Variants in CELF2 observed in about 807,000 individuals in gnomAD.
CELF2 encodes the protein CUG triplet repeat RNA-binding protein 2.
In CELF2, 8 loss-of-function variants were observed where a neutral mutation model predicts 62.6. The observed-to-expected ratio is 0.13, with a 90% CI of 0.07 to 0.23. The LOEUF is 0.23. Among genes scored for constraint, CELF2 ranks in the 10% least tolerant of loss-of-function variants. The pLI, the probability that CELF2 is intolerant of heterozygous loss-of-function variation, is 1.00. For synonymous variants in CELF2, 258 were observed against 250.0 expected (o/e 1.03, Z -0.30); for missense variants, 333 against 671.0 (o/e 0.50, Z 5.56).
the CELF2 span, among the ~76,000 whole-genome samples, chr10:10,760,835 A>C: frequency 6.6e-6 from 1 of 152,244 alleles, no homozygotes; most frequent in Middle Eastern, 3.2e-3. Flanking sequence ...AACTCCTGGC[A>C]GGGCTCAGGG....
At chr10:10,908,863 C>T (rs761532442) in intron 1 of CELF2, among the ~76,000 whole-genome samples, 16 of 152,220 alleles carry the variant, frequency 1.1e-4, no homozygotes, top group Non-Finnish European at 2.1e-4. Flanking sequence ...TCTCGGCTCA[C>T]TTCACCTTCC....
chr10:10,662,615 A>G, the CELF2 span, among the ~76,000 whole-genome samples: 1 of 152,216 alleles, frequency 6.6e-6, no homozygotes, highest in African/African-American at 2.4e-5. Flanking sequence ...ATTTTGTAGT[A>G]AAAGTGACCC....
the CELF2 span, among the ~76,000 whole-genome samples, chr10:10,526,289 A>T: frequency 1.3e-5 from 2 of 152,276 alleles, no homozygotes; most frequent in African/African-American, 2.4e-5. Flanking sequence ...ATAAAAAATT[A>T]TGGATTTATT....
chr10:10,674,999 T>C, the CELF2 span, among the ~76,000 whole-genome samples: 1 of 152,190 alleles, frequency 6.6e-6, no homozygotes, highest in Non-Finnish European at 1.5e-5. Context: ...GAAATTGTTG[T>C]TGTGATTTTG....
chr10:11,164,703 C>G (rs948867680), intron 1 of CELF2, among the ~76,000 whole-genome samples: 2 of 148,562 alleles, frequency 1.3e-5, no homozygotes, highest in Non-Finnish European at 3.0e-5. Context: ...GCAGGCAATT[C>G]TGAGATCTCC....
chr10:10,683,734 CTTGGT>C, the CELF2 span, among the ~76,000 whole-genome samples: 1 of 152,092 alleles, frequency 6.6e-6, no homozygotes, highest in Admixed American at 6.5e-5. Context: ...ATATGATGGG[CTTGGT>C]TATGAAAGAA....
the CELF2 span, among the ~76,000 whole-genome samples, chr10:10,563,376 C>T: frequency 6.6e-6 from 1 of 151,874 alleles, no homozygotes; most frequent in Non-Finnish European, 1.5e-5. Context: ...TTTGGGAGGC[C>T]GAGGTGAGTG....
chr10:11,274,260 C>T (rs2085100240), intron 7 of CELF2, among the ~76,000 whole-genome samples: 1 of 152,164 alleles, frequency 6.6e-6, no homozygotes, highest in Non-Finnish European at 1.5e-5. Context: ...AGTCTTTCAC[C>T]TAAGTTAAGC....
intron 1 of CELF2, among the ~76,000 whole-genome samples, chr10:10,845,245 A>G (rs1027886975): frequency 1.3e-5 from 2 of 151,650 alleles, no homozygotes; most frequent in African/African-American, 4.8e-5. Flanking sequence ...TGTATTAAAC[A>G]TGTTTCCAAA....
chr10:10,669,242 C>T, the CELF2 span, among the ~76,000 whole-genome samples: 280 of 152,278 alleles, frequency 1.8e-3, 2 homozygotes, highest in African/African-American at 6.2e-3. Context: ...ATTAAAATGT[C>T]AGCCAAAACA....
rs1455334166 is a variant in CELF2 at position 11,335,018 on chromosome 10, A to G, written c.*5965A>G. 1 of 152,244 alleles carries G rather than the reference A, an allele frequency of 6.6e-6. No homozygotes were observed. Among genetic ancestry groups the G allele is most frequent in the Non-Finnish European group, 1.5e-5 (1 of 68,046 alleles). The allele number at this position is 152,244 out of a possible 1,614,324, so 9.4% of individuals were successfully genotyped here. ...AGAAAAGAAGTATTTCCAAGGGCTC[A>G]AATGGAAGCTGTACTCAGTCCGGTG... On this transcript the variant is annotated 3_prime_UTR_variant, in exon 13 of 13. Transcript: ENST00000633077. This position sits in a 1 kb window ranked among gnomAD's most constrained non-coding sequence, Gnocchi z 5.0.
At chr10:10,664,832 G>C in the CELF2 span, among the ~76,000 whole-genome samples, 3 of 152,190 alleles carry the variant, frequency 2.0e-5, no homozygotes, top group African/African-American at 7.2e-5. Flanking sequence ...ACAGAAATGG[G>C]AAGTTTAAAA....
the CELF2 span, among the ~76,000 whole-genome samples, chr10:10,737,745 G>T: frequency 0.23 from 34,320 of 151,434 alleles, 4,724 homozygotes; most frequent in African/African-American, 0.38. Context: ...AACCTTGGCA[G>T]GTTCCCTGCC....
chr10:11,038,013 A>G (rs961213314), intron 1 of CELF2, among the ~76,000 whole-genome samples: 2 of 152,162 alleles, frequency 1.3e-5, no homozygotes, highest in Admixed American at 6.5e-5. Context: ...TTTCTGTAAG[A>G]CTTTGTAAAA....
At chr10:10,834,960 A>G (rs2058157993) in intron 1 of CELF2, among the ~76,000 whole-genome samples, 1 of 152,052 alleles carries the variant, frequency 6.6e-6, no homozygotes, top group African/African-American at 2.4e-5. Context: ...TTCTTATCAA[A>G]GCAGTAACAA....
At chr10:10,987,901 C>A (rs961722649) in intron 2 of CELF2, among the ~76,000 whole-genome samples, 1 of 152,126 alleles carries the variant, frequency 6.6e-6, no homozygotes, top group Admixed American at 6.6e-5. Context: ...CACATTAAAA[C>A]TACACTGAGA....
At chr10:11,240,402 G>A (rs950144553) in intron 3 of CELF2, among the ~76,000 whole-genome samples, 5 of 152,180 alleles carry the variant, frequency 3.3e-5, no homozygotes, top group South Asian at 2.1e-4. Flanking sequence ...ATCAATTAAC[G>A]TCAGTGATTC....
chr10:10,506,670 A>ATGTTTTTTT, the CELF2 span, among the ~76,000 whole-genome samples: 1 of 64,556 alleles, frequency 1.5e-5, no homozygotes. Flanking sequence ...CCTCCTGTGA[A>ATGTTTTTTT]TTTTTTTTTT....
chr10:11,320,826 GTTTT>G (rs35548374), intron 10 of CELF2: 89 of 1,390,294 alleles, frequency 6.4e-5, no homozygotes, highest in South Asian at 7.7e-5. Context: ...TGCTACTAAG[GTTTT>G]TTTTTTTTTT....
Sources: allele counts gnomAD v4.1 joint callset (sites outside exome capture counted in the v4.1 genomes callset), GRCh38; gene constraint gnomAD v4.1.1; non-coding constraint Gnocchi (gnomAD v3.1); transcripts MANE v1.5; gene names NCBI Gene and HGNC (gene_info 2026-07-23, HGNC 2026-07-21).